Variants in KIF21B observed in about 807,000 individuals in gnomAD.
KIF21B encodes the protein kinesin family member 21B.
A neutral mutation model predicts 192.9 loss-of-function variants in KIF21B; 85 were observed. That is an observed-to-expected ratio of 0.44 (90% CI 0.37 to 0.53). KIF21B has a LOEUF of 0.53. KIF21B is among the 20% of genes least tolerant of loss of function. KIF21B has a pLI of 0.00. For missense variants in KIF21B, 1,716 were observed against 2,194.8 expected (o/e 0.78, Z 4.36); for synonymous variants, 832 against 884.6 (o/e 0.94, Z 1.05).
chr1:200,988,022 G>GTT (rs1311562946), intron 24 of KIF21B, among the ~76,000 whole-genome samples: 1 of 152,214 alleles, frequency 6.6e-6, no homozygotes, highest in African/African-American at 2.4e-5. Flanking sequence ...AGGGCCCCTG[G>GTT]TTATGGTGCT....
In KIF21B at chr1:200,999,991, A is replaced by G. The variant is rs767927226; in HGVS notation, c.1686-27T>C. On this transcript the variant is annotated intron_variant, in intron 11 of 34. Transcript: ENST00000461742. This position sits in a 1 kb window ranked among gnomAD's most constrained non-coding sequence, Gnocchi z 4.7. Reference sequence around the variant, plus strand: ...TGCTCAGGGAGGACAGGGAAGCTGGATTAGGAAGGCTGCCCCTGCCCTGAG... The same window carrying G: ...TGCTCAGGGAGGACAGGGAAGCTGGGTTAGGAAGGCTGCCCCTGCCCTGAG... 1.9e-6 allele frequency: 3 copies of G among 1,607,152 alleles called. No individual in the cohort carries two copies. The highest frequency in any genetic ancestry group is 2.2e-5 in the South Asian group (2 of 90,972).
At chr1:201,004,589 G>A (rs1488278203) in intron 6 of KIF21B, 134 bp from the exon 7 acceptor site, 1 of 1,120,196 alleles carries the variant, frequency 8.9e-7, no homozygotes, top group Admixed American at 2.1e-5. Flanking sequence ...TGGGTTTATA[G>A]GCACATGGAT....
At chr1:200,995,821 A>T (rs929449902) in intron 15 of KIF21B, among the ~76,000 whole-genome samples, 10 of 152,228 alleles carry the variant, frequency 6.6e-5, no homozygotes, top group African/African-American at 2.2e-4. Context: ...ATTATCACTC[A>T]GGGCCAGGTT....
At chr1:200,988,082 C>A (rs1656419341) in intron 24 of KIF21B, among the ~76,000 whole-genome samples, 1 of 152,196 alleles carries the variant, frequency 6.6e-6, no homozygotes, top group African/African-American at 2.4e-5. Context: ...AGCCACTTCT[C>A]CCACCTTCCA....
chr1:200,976,893 C>T lies in KIF21B; in HGVS notation c.4326G>A (p.Arg1442=). The T allele has an allele frequency of 6.2e-7, 1 of 1,603,668 alleles. No individual in the cohort carries two copies. Among genetic ancestry groups the T allele is most frequent in the Non-Finnish European group, 8.5e-7 (1 of 1,172,460 alleles). ...GNAVRIWELS[R]FQPVGKLTGH... is the part of the protein sequence containing the mutation. ...CAGTCAGCTTGCCGACAGGCTGGAACCTGCAGTGGGAAGAGGCCCAGCCAG... is the reference window on the plus strand; with the variant it reads ...CAGTCAGCTTGCCGACAGGCTGGAATCTGCAGTGGGAAGAGGCCCAGCCAG... Residue 1442 remains arginine, a splice_region_variant and synonymous_variant, in exon 32 of 35, where the codon AGG becomes AGA. Coordinates refer to ENST00000461742, the MANE Select transcript of KIF21B (RefSeq NM_001252102.2).
chr1:200,997,604 G>A (rs1037616439), intron 14 of KIF21B, among the ~76,000 whole-genome samples: 3 of 152,176 alleles, frequency 2.0e-5, no homozygotes, highest in East Asian at 1.9e-4. Context: ...TTAGCCGGGC[G>A]TGGTGGCGGG....
intron 1 of KIF21B, among the ~76,000 whole-genome samples, chr1:201,015,023 T>C (rs1408783566): frequency 1.3e-5 from 2 of 152,230 alleles, no homozygotes; most frequent in African/African-American, 2.4e-5. Flanking sequence ...CTGCCTCTCA[T>C]AGACACTATC....
intron 21 of KIF21B, 133 bp from the exon 22 acceptor site, chr1:200,989,064 C>T: frequency 1.1e-6 from 1 of 927,042 alleles, no homozygotes; most frequent in Admixed American, 2.9e-5. Flanking sequence ...GTACCTGGCA[C>T]AGACCTGAGA....
Position 200,999,977 on chromosome 1 carries a change from G to A in KIF21B, c.1686-13C>T, listed in dbSNP as rs775089324. The A allele has an allele frequency of 4.3e-6, 7 of 1,613,028 alleles. No homozygotes were observed. The highest frequency in any genetic ancestry group is 4.0e-5 in the African/African-American group (3 of 74,906). On this transcript the variant is annotated splice_polypyrimidine_tract_variant and intron_variant, in intron 11 of 34. Coordinates refer to ENST00000461742, the MANE Select transcript of KIF21B (RefSeq NM_001252102.2). This position sits in a 1 kb window ranked among gnomAD's most constrained non-coding sequence, Gnocchi z 4.7. ...TTCCTTCTCGGGGCTGCTCAGGGAGGACAGGGAAGCTGGATTAGGAAGGCT... is the reference window on the plus strand; with the variant it reads ...TTCCTTCTCGGGGCTGCTCAGGGAGAACAGGGAAGCTGGATTAGGAAGGCT...
At chr1:200,974,579 G>C in intron 34 of KIF21B, 135 bp downstream of exon 34, 1 of 888,276 alleles carries the variant, frequency 1.1e-6, no homozygotes, top group Non-Finnish European at 1.8e-6. Context: ...GGTATGCAAA[G>C]GAGGCCACCA....
intron 24 of KIF21B, 152 bp from the exon 25 acceptor site, chr1:200,987,353 C>A (rs1656377264): frequency 3.0e-6 from 2 of 668,838 alleles, no homozygotes; most frequent in Non-Finnish European, 2.5e-6. Flanking sequence ...GATCCCCTCA[C>A]CTCAGCCTCC....
chr1:201,009,469 T>A lies in KIF21B; in HGVS notation c.61A>T (p.Lys21Ter). Residue 21 changes from lysine (K) to a stop codon, truncating the protein, a stop_gained, in exon 2 of 35, where the codon AAG becomes TAG. Coordinates refer to ENST00000461742, the MANE Select transcript of KIF21B (RefSeq NM_001252102.2). LOFTEE classifies it high-confidence loss of function. ...VAVRIRPQLS[K>*]EKIEGCHICT... Reference sequence around the variant, plus strand: ...ATGTGACAGCCCTCAATCTTCTCCTTCGACAGCTGGGGCCGGATCCTGCCC... The same window carrying A: ...ATGTGACAGCCCTCAATCTTCTCCTACGACAGCTGGGGCCGGATCCTGCCC... 1 of 1,614,136 alleles carries A rather than the reference T, an allele frequency of 6.2e-7. No homozygotes were observed. Among genetic ancestry groups the A allele is most frequent in the Non-Finnish European group, 8.5e-7 (1 of 1,180,026 alleles).
At chr1:200,995,959 T>C (rs1447784176) in intron 15 of KIF21B, among the ~76,000 whole-genome samples, 1 of 152,118 alleles carries the variant, frequency 6.6e-6, no homozygotes, top group Non-Finnish European at 1.5e-5. Context: ...ACGACCCCTG[T>C]GCACCCCAGC....
chr1:200,973,716 C>G, intron 34 of KIF21B, 138 bp from the exon 35 acceptor site: 1 of 1,485,700 alleles, frequency 6.7e-7, no homozygotes, highest in Non-Finnish European at 8.9e-7. Context: ...GCATGGCTTA[C>G]GGGGAGGTGG....
rs376966681 is a variant in KIF21B at position 201,009,367 on chromosome 1, C to T, written c.163G>A (p.Asp55Asn). The T allele has an allele frequency of 1.6e-5, 26 of 1,614,240 alleles. No individual in the cohort carries two copies. The highest frequency in any genetic ancestry group is 1.8e-5 in the Non-Finnish European group (21 of 1,180,036). The change falls in exon 2 of 35, where the codon GAC becomes AAC. Residue 55 changes from aspartate to asparagine, a missense_variant. Coordinates refer to ENST00000461742, the MANE Select transcript of KIF21B (RefSeq NM_001252102.2). ...DKAFTYDFVF[D>N]LDTWQEQIYS... ...ATCTGTTCTTGCCAGGTGTCCAGGT[C>T]GAAGACAAAGTCATAGGTGAAGGCC...
At position 201,004,860 on chromosome 1, in the gene KIF21B, A is replaced by C; in HGVS notation, c.806T>G (p.Phe269Cys). The C allele has an allele frequency of 6.2e-7, 1 of 1,614,112 alleles. No homozygotes were observed. The highest frequency in any genetic ancestry group is 8.5e-7 in the Non-Finnish European group (1 of 1,180,028). The change falls in exon 6 of 35, where the codon TTT becomes TGT. Residue 269 changes from phenylalanine (F) to cysteine (C), a missense_variant. Physicochemically the swap from Phe to Cys is radical, Grantham distance 205. Around this residue, in one of 3 missense-constraint regions of KIF21B, gnomAD observed 1,087 missense variants for 1,316.6 expected, o/e 0.83. Transcript: ENST00000461742. The stretch of plus-strand genomic sequence containing the variant: ...TGAGCCGGCCAGGTCCACAAAGTGA[A>C]ACTTAGCAGTGAGTGTCTCATACTC... Reference protein sequence around the residue: ...SSEYETLTAKFHFVDLAGSER... With the variant: ...SSEYETLTAKCHFVDLAGSER...
At chr1:200,985,494 G>T (rs1311865897) in intron 26 of KIF21B, among the ~76,000 whole-genome samples, 1 of 151,884 alleles carries the variant, frequency 6.6e-6, no homozygotes, top group African/African-American at 2.4e-5. Flanking sequence ...TCTCTAAAAA[G>T]AAAAAAATCC....
intron 9 of KIF21B, chr1:201,001,755 T>C (rs1277375350): frequency 5.5e-6 from 1 of 182,664 alleles, no homozygotes; most frequent in Non-Finnish European, 1.2e-5. Context: ...ATCTCATACA[T>C]AGAAAAAGTA....
rs1225521616 is a variant in KIF21B, at chr1:200,970,680, C to A, written c.*2841G>T. On this transcript the variant is annotated 3_prime_UTR_variant, in exon 35 of 35. Transcript: ENST00000461742. Reference sequence around the variant, plus strand: ...ATCCAGGGAACCCGCTCATAAGCTTCGAAAGCACAAAGTGGGGCTTGACCC... The same window carrying A: ...ATCCAGGGAACCCGCTCATAAGCTTAGAAAGCACAAAGTGGGGCTTGACCC... The A allele has an allele frequency of 1.3e-5, 2 of 152,466 alleles. No homozygotes were observed. The highest frequency in any genetic ancestry group is 4.8e-5 in the African/African-American group (2 of 41,466). 9.4% of individuals were successfully genotyped at this position (152,466 alleles called of 1,614,324 possible).
Sources: allele counts gnomAD v4.1 joint callset (sites outside exome capture counted in the v4.1 genomes callset), GRCh38; gene constraint gnomAD v4.1.1; regional missense constraint gnomAD v4.1.1; non-coding constraint Gnocchi (gnomAD v3.1); transcripts MANE v1.5; gene names NCBI Gene and HGNC (gene_info 2026-07-23, HGNC 2026-07-21).